EXOC1: variants seen among roughly 807,000 people sequenced by gnomAD.
EXOC1 encodes the protein exocyst complex component 1, also known as SEC3-like 1.
Under a neutral mutation model 107.7 loss-of-function variants are expected in EXOC1, and 67 were observed. The observed-to-expected ratio is 0.62, with a 90% CI of 0.51 to 0.76. The LOEUF (loss-of-function observed/expected upper bound fraction) is 0.76. EXOC1 is among the 30% of genes least tolerant of loss of function. EXOC1 has a pLI of 0.00. For missense variants in EXOC1, 833 were observed against 1,055.7 expected (o/e 0.79, Z 2.92); for synonymous variants, 348 against 353.5 (o/e 0.98, Z 0.17).
intron 11 of EXOC1, among the ~76,000 whole-genome samples, chr4:55,889,845 G>T (rs1254195840): frequency 6.6e-6 from 1 of 152,080 alleles, no homozygotes; most frequent in East Asian, 1.9e-4. Context: ...ATGCTAACGT[G>T]GTCCTCATTG....
At chr4:55,872,198 A>C (rs946138015) in intron 8 of EXOC1, among the ~76,000 whole-genome samples, 1 of 152,218 alleles carries the variant, frequency 6.6e-6, no homozygotes, top group Admixed American at 6.5e-5. Context: ...CTAGAAATCA[A>C]ATAACTATGC....
chr4:55,897,557 C>T (rs1207715068), intron 16 of EXOC1, among the ~76,000 whole-genome samples: 1 of 152,100 alleles, frequency 6.6e-6, no homozygotes, highest in Non-Finnish European at 1.5e-5. Flanking sequence ...AAAGTCTGGA[C>T]ATGTCATTTC....
chr4:55,869,337 G>A (rs1159856126), intron 5 of EXOC1, among the ~76,000 whole-genome samples: 2 of 152,168 alleles, frequency 1.3e-5, no homozygotes, highest in African/African-American at 4.8e-5. Context: ...CTGCACTCCA[G>A]CTTGGGTGAC....
At chr4:55,894,235 G>A (rs1395666096) in intron 15 of EXOC1, among the ~76,000 whole-genome samples, 2 of 151,364 alleles carry the variant, frequency 1.3e-5, no homozygotes, top group African/African-American at 4.9e-5. Context: ...TGAGGCAGGA[G>A]AATTGCTTGA....
chr4:55,867,596 A>G (rs1467753796), intron 4 of EXOC1, among the ~76,000 whole-genome samples: 5 of 151,154 alleles, frequency 3.3e-5, no homozygotes, highest in Non-Finnish European at 7.4e-5. Flanking sequence ...TGAAACATCT[A>G]GAAAGCATTT....
intron 9 of EXOC1, among the ~76,000 whole-genome samples, chr4:55,881,616 A>G (rs771888806): frequency 6.6e-6 from 1 of 152,172 alleles, no homozygotes; most frequent in Non-Finnish European, 1.5e-5. Flanking sequence ...AGGCCAAACA[A>G]CTTGAAGCAA....
intron 4 of EXOC1, 49 bp downstream of exon 4, chr4:55,864,435 G>A: frequency 7.1e-7 from 1 of 1,405,174 alleles, no homozygotes; most frequent in Non-Finnish European, 9.7e-7. Context: ...ATCTTTAAGT[G>A]AATATATAAT....
At chr4:55,881,245 T>C (rs1352756736) in intron 9 of EXOC1, among the ~76,000 whole-genome samples, 1 of 152,148 alleles carries the variant, frequency 6.6e-6, no homozygotes, top group East Asian at 1.9e-4. Context: ...GGGTCATACA[T>C]GTAGGGTAGT....
rs1161541302 is a variant in EXOC1, at chr4:55,893,615, C to G, written c.1788C>G (p.Asn596Lys). 6.2e-7 allele frequency: 1 copy of G among 1,614,048 alleles called. No individual in the cohort carries two copies. The change falls in exon 15 of 19, where the codon AAC becomes AAG. Residue 596 changes from asparagine (N) to lysine (K), a missense_variant. By Grantham distance (94) the Asn-to-Lys change is moderately conservative (BLOSUM62 0). Around this residue, in one of 2 missense-constraint regions of EXOC1, gnomAD observed 216 missense variants for 354.4 expected, o/e 0.61. Transcript: ENST00000381295. ...IFRCIEPELN[N>K]LIALGDKIDS... ...GCTGCATTGAGCCAGAGCTGAACAA[C>G]CTAATTGCATTAGGAGACAAAATTG...
In EXOC1 at chr4:55,899,899, A is replaced by G. The variant is rs1725692076; in HGVS notation, c.2337+15A>G. ...AAAAACTAAATGTAAATATATTTTC[A>G]TTCAGTATTTTTCCTACTTTTGAAC... On this transcript the variant is annotated intron_variant, in intron 17 of 18. Coordinates refer to ENST00000381295, the MANE Select transcript of EXOC1 (RefSeq NM_001024924.2). The G allele has an allele frequency of 6.3e-7, 1 of 1,594,970 alleles. No individual in the cohort carries two copies. The highest frequency in any genetic ancestry group is 2.2e-5 in the East Asian group (1 of 44,618).
chr4:55,879,571 C>A (rs1267121862), intron 9 of EXOC1, among the ~76,000 whole-genome samples: 1 of 152,090 alleles, frequency 6.6e-6, no homozygotes, highest in Admixed American at 6.6e-5. Context: ...AGACTTTGAG[C>A]CATGGAATGA....
chr4:55,892,715 T>G lies in EXOC1; in HGVS notation c.1724+4T>G. On this transcript the variant is annotated splice_donor_region_variant and intron_variant, in intron 14 of 18. Transcript: ENST00000381295. Reference sequence around the variant, plus strand: ...CACCACTGCCTGTTTCATCTGAGTATGTCTTTGTTACTATCATTGTTTATT... The same window carrying G: ...CACCACTGCCTGTTTCATCTGAGTAGGTCTTTGTTACTATCATTGTTTATT... The G allele has an allele frequency of 6.2e-7, 1 of 1,613,664 alleles. No individual in the cohort carries two copies. The highest frequency in any genetic ancestry group is 1.1e-5 in the South Asian group (1 of 91,056).
intron 12 of EXOC1, 144 bp downstream of exon 12, chr4:55,890,530 G>GT (rs1724397438): frequency 1.6e-4 from 58 of 361,136 alleles, no homozygotes; most frequent in Middle Eastern, 6.7e-4. Flanking sequence ...ATCGAATCTG[G>GT]GAAAAAAAAA....
chr4:55,861,513 A>G (rs1164842289), intron 3 of EXOC1, among the ~76,000 whole-genome samples: 1 of 152,220 alleles, frequency 6.6e-6, no homozygotes, highest in Non-Finnish European at 1.5e-5. Context: ...GGACAAAATG[A>G]CAGGTAGTTG....
At chr4:55,871,436 A>G (rs957355056) in intron 7 of EXOC1, among the ~76,000 whole-genome samples, 1 of 152,198 alleles carries the variant, frequency 6.6e-6, no homozygotes, top group Non-Finnish European at 1.5e-5. Flanking sequence ...AATTGTCCTC[A>G]ATGACTATAG....
rs151047266 is a variant in EXOC1 at position 55,866,862 on chromosome 4, T to C, written c.416-1474T>C. The stretch of plus-strand genomic sequence containing the variant: ...TTTCCTCTGCTTTTTTCATACTTTT[T>C]ACTCTCCAGAACTGCCTAAAGTTAC... On this transcript the variant is annotated intron_variant, in intron 4 of 18. Coordinates refer to ENST00000381295, the MANE Select transcript of EXOC1 (RefSeq NM_001024924.2). The C allele has an allele frequency of 1.1e-3, 1,118 of 985,278 alleles. 8 individuals are homozygous for C. In the African/African-American group the frequency reaches 0.018, roughly 16 times the overall value. The allele number at this position is 985,278 out of a possible 1,614,324, so 61.0% of individuals were successfully genotyped here.
chr4:55,899,729 G>T lies in EXOC1; in HGVS notation c.2182G>T (p.Val728Phe). The T allele has an allele frequency of 6.2e-7, 1 of 1,613,700 alleles. No homozygotes were observed. The highest frequency in any genetic ancestry group is 8.5e-7 in the Non-Finnish European group (1 of 1,179,766). Residue 728 changes from valine to phenylalanine, a missense_variant, in exon 17 of 19, where the codon GTT becomes TTT. Coordinates refer to ENST00000381295, the MANE Select transcript of EXOC1 (RefSeq NM_001024924.2). ...NESQKTPRDV[V>F]MMENFHHIFA... ...AAGCCAGAAGACCCCCAGGGATGTG[G>T]TTATGATGGAAAACTTTCACCATAT...
In EXOC1 at chr4:55,880,309, C is replaced by CA. The variant is rs571389204; in HGVS notation, c.1224+2254dup. Among the ~76,000 whole-genome samples the CA allele has an allele frequency of 6.0e-3, 861 of 144,154 alleles. 2 individuals carry two copies. The highest frequency in any genetic ancestry group is 0.013 in the South Asian group (59 of 4,584). 94.6% of individuals were successfully genotyped at this position (144,154 alleles called of 152,430 possible). Reference sequence around the variant, plus strand: ...AAATTATAATTTTAAAAATGCTTTTCAAAAAAAAAAATCTCCTGAGGTGCT... The same window carrying CA: ...AAATTATAATTTTAAAAATGCTTTTCAAAAAAAAAAAATCTCCTGAGGTGCT... On this transcript the variant is annotated intron_variant, in intron 9 of 18. Coordinates refer to ENST00000381295, the MANE Select transcript of EXOC1 (RefSeq NM_001024924.2).
chr4:55,891,179 C>A, intron 12 of EXOC1, 136 bp from the exon 13 acceptor site: 1 of 613,254 alleles, frequency 1.6e-6, no homozygotes. Flanking sequence ...TTTTGGGATT[C>A]CATTGAGATT....
Sources: gnomAD v4.1 joint callset for allele counts (sites outside exome capture counted in the v4.1 genomes callset) on GRCh38, gnomAD v4.1.1 for gene constraint, gnomAD v4.1.1 regional missense constraint, MANE v1.5 for transcripts, NCBI Gene and HGNC (gene_info 2026-07-23, HGNC 2026-07-21) for gene names.